The following SMARCC1 variants were observed in gnomAD, a reference collection of about 807,000 sequenced individuals.
SMARCC1 encodes SWI/SNF related BAF chromatin remodeling complex subunit C1.
SMARCC1 carries 43 observed loss-of-function variants against 147.4 expected under a neutral mutation model. The ratio of observed to expected loss-of-function variants is 0.29; its 90% confidence interval spans 0.23 to 0.38. The LOEUF is 0.38. Ranked by LOEUF, SMARCC1 falls within the 10% of genes least tolerant of loss-of-function variation. The pLI is 1.00. For missense variants in SMARCC1, 1,119 were observed against 1,381.1 expected, an observed-to-expected ratio of 0.81 and a Z score of 3.01; for synonymous variants, 495 against 484.4, an observed-to-expected ratio of 1.02 and a Z score of -0.29.
intron 10 of SMARCC1, among the ~76,000 whole-genome samples, chr3:47,705,809 CAATT>C (rs1208196300): frequency 6.6e-6 from 1 of 151,818 alleles, no homozygotes; most frequent in Non-Finnish European, 1.5e-5. Context: ...TAATATATAC[CAATT>C]AATTATTAAG....
chr3:47,664,887 A>G (rs2033402681), intron 19 of SMARCC1, among the ~76,000 whole-genome samples: 1 of 152,216 alleles, frequency 6.6e-6, no homozygotes, highest in African/African-American at 2.4e-5. Context: ...CTCCAACTGA[A>G]AAACCTTGCA....
At chr3:47,744,809 T>C (rs2034548845) in intron 3 of SMARCC1, among the ~76,000 whole-genome samples, 1 of 151,918 alleles carries the variant, frequency 6.6e-6, no homozygotes, top group South Asian at 2.1e-4. Flanking sequence ...GAGAGACAGC[T>C]AGAAAAGGGG....
At chr3:47,660,242 C>T (rs1039144841) in intron 21 of SMARCC1, among the ~76,000 whole-genome samples, 26 of 151,706 alleles carry the variant, frequency 1.7e-4, no homozygotes, top group Non-Finnish European at 2.6e-4. Context: ...GTCAGGAGAT[C>T]GAGACCATCC....
At chr3:47,653,781 C>A (rs2033223944) in intron 21 of SMARCC1, among the ~76,000 whole-genome samples, 1 of 152,100 alleles carries the variant, frequency 6.6e-6, no homozygotes, top group African/African-American at 2.4e-5. Context: ...TATAAGAGGA[C>A]CCAAATTCTG....
chr3:47,748,030 C>T (rs894965468), intron 2 of SMARCC1, among the ~76,000 whole-genome samples: 1 of 151,764 alleles, frequency 6.6e-6, no homozygotes, highest in Non-Finnish European at 1.5e-5. Flanking sequence ...TGGTGGCGGG[C>T]GCATGTAATC....
Position 47,718,498 on chromosome 3 carries a change from G to A in SMARCC1, c.716+2168C>T, listed in dbSNP as rs369575825. On this transcript the variant is annotated intron_variant, in intron 7 of 27. Transcript: ENST00000254480. ...TACTAAAACACTTATGATTCAAATG[G>A]TGTTTGGGATTTGCTATAAATAATA... 5.9e-5 allele frequency among the ~76,000 whole-genome samples: 9 copies of A among 152,098 alleles called. No homozygotes were observed. In the South Asian group the frequency reaches 1.9e-3, roughly 32 times the overall value.
At chr3:47,608,806 G>A (rs1410528390) in intron 26 of SMARCC1, among the ~76,000 whole-genome samples, 1 of 137,256 alleles carries the variant, frequency 7.3e-6, no homozygotes, top group Non-Finnish European at 1.5e-5. Flanking sequence ...CCATGATCAT[G>A]TCACTGCACT....
At chr3:47,740,178 CTTT>C (rs34523367) in intron 3 of SMARCC1, among the ~76,000 whole-genome samples, 87 of 35,706 alleles carry the variant, frequency 2.4e-3, no homozygotes, top group African/African-American at 5.9e-3. Context: ...GCCCGGCCAT[CTTT>C]TTTTTTTTTT....
At chr3:47,753,442 G>A (rs911545460) in intron 2 of SMARCC1, among the ~76,000 whole-genome samples, 12 of 151,188 alleles carry the variant, frequency 7.9e-5, no homozygotes, top group South Asian at 2.1e-4. Context: ...GGCCGGGTGC[G>A]ATGGCTCATG....
In SMARCC1 at chr3:47,671,196, A is replaced by AAAAC. The variant is rs753672169; in HGVS notation, c.1840-480_1840-479insGTTT. Among the ~76,000 whole-genome samples, 139 of 81,198 alleles carry AAAAC rather than the reference A, an allele frequency of 1.7e-3. 21 individuals are homozygous for AAAAC. The highest frequency in any genetic ancestry group is 1.8e-3 in the Admixed American group (10 of 5,658). The allele number at this position is 81,198 out of a possible 152,430, so 53.3% of individuals were successfully genotyped here. On this transcript the variant is annotated intron_variant, in intron 18 of 27. Transcript: ENST00000254480. ...CTCAAAAAAAAAAAAAAAAAAAAAA[A>AAAAC]AACACACACAAAAACCAAAACCAAA...
At chr3:47,640,316 G>A (rs1423992594) in intron 21 of SMARCC1, among the ~76,000 whole-genome samples, 2 of 151,904 alleles carry the variant, frequency 1.3e-5, no homozygotes, top group Non-Finnish European at 2.9e-5. Flanking sequence ...CCAAACGTTG[G>A]TTCTTTCAAA....
At chr3:47,668,064 T>C (rs1264443443) in intron 19 of SMARCC1, among the ~76,000 whole-genome samples, 1 of 152,148 alleles carries the variant, frequency 6.6e-6, no homozygotes, top group Non-Finnish European at 1.5e-5. Flanking sequence ...TGTACATATA[T>C]ATTAACTTGA....
chr3:47,770,979 C>T (rs1315059539), intron 2 of SMARCC1, among the ~76,000 whole-genome samples: 3 of 152,240 alleles, frequency 2.0e-5, no homozygotes, highest in African/African-American at 7.2e-5. Context: ...GGCGCAATCT[C>T]GGCTCACTGC....
intron 26 of SMARCC1, chr3:47,604,223 T>A (rs1284976563): frequency 2.2e-6 from 1 of 456,082 alleles, no homozygotes; most frequent in South Asian, 1.5e-5. Context: ...TGATGGAGAG[T>A]TTTGTAGAGA....
intron 7 of SMARCC1, among the ~76,000 whole-genome samples, chr3:47,720,366 A>G (rs376182877): frequency 6.6e-6 from 1 of 150,822 alleles, no homozygotes; most frequent in East Asian, 2.0e-4. Flanking sequence ...CTCATGATCC[A>G]CTGCCTCAGC....
intron 9 of SMARCC1, among the ~76,000 whole-genome samples, chr3:47,709,641 G>A (rs754643260): frequency 9.3e-5 from 14 of 151,040 alleles, no homozygotes; most frequent in East Asian, 4.0e-4. Context: ...AGCCGAGATC[G>A]CGCCACTGCA....
At chr3:47,701,212 T>TCATC (rs1381846323) in intron 11 of SMARCC1, 66 bp downstream of exon 11, 3 of 1,389,218 alleles carry the variant, frequency 2.2e-6, no homozygotes, top group Non-Finnish European at 3.0e-6. Flanking sequence ...AAGCAATGAA[T>TCATC]CATCCCATGG....
intron 11 of SMARCC1, among the ~76,000 whole-genome samples, chr3:47,700,358 A>G (rs1222795117): frequency 7.2e-5 from 11 of 152,290 alleles, no homozygotes; most frequent in Non-Finnish European, 1.6e-4. Context: ...ATGGGTGAAG[A>G]AGGCTAATAA....
rs2035049632 is a variant in SMARCC1, at chr3:47,781,625, C to T, written c.173G>A (p.Trp58Ter). 2 of 1,553,588 alleles carry T rather than the reference C, an allele frequency of 1.3e-6. No individual in the cohort carries two copies. Among genetic ancestry groups the T allele is most frequent in the African/African-American group, 1.4e-5 (1 of 70,184 alleles). The stretch of plus-strand genomic sequence containing the variant: ...CACCTTCTTGTAGTGCTTGCCCAGC[C>T]AGACCCGCACCGAATCCAGCTGGGA... ...TVSQLDSVRVWLGKHYKKYVH... is the reference protein window; with the variant it reads ...TVSQLDSVRV The change falls in exon 1 of 28, where the codon TGG becomes TAG. Residue 58 changes from tryptophan (W) to a stop codon, truncating the protein, a stop_gained. Coordinates refer to ENST00000254480, the MANE Select transcript of SMARCC1 (RefSeq NM_003074.4). LOFTEE classifies it high-confidence loss of function.
Sources: gnomAD v4.1 joint callset for allele counts (sites outside exome capture counted in the v4.1 genomes callset) on GRCh38, gnomAD v4.1.1 for gene constraint, MANE v1.5 for transcripts, NCBI Gene and HGNC (gene_info 2026-07-23, HGNC 2026-07-21) for gene names.